Variants in UGT1A10 observed in about 807,000 individuals in gnomAD.
The protein encoded by UGT1A10 is UDP-glucuronosyltransferase 1A10.
UGT1A10 carries 49 observed loss-of-function variants against 45.8 expected under a neutral mutation model. The observed-to-expected ratio is 1.07, with a 90% confidence interval of 0.85 to 1.36. The LOEUF is 1.36. Ranked by LOEUF, UGT1A10 falls within the 40% of genes most tolerant of loss-of-function variation. The probability of loss-of-function intolerance (pLI) is 0.00; values close to 1 mark genes in which losing one functional copy is unlikely to be tolerated. For missense variants in UGT1A10, 745 were observed against 668.6 expected (o/e 1.11, Z -1.26); for synonymous variants, 284 against 249.7 (o/e 1.14, Z -1.29).
chr2:233,682,587 A>T (rs2074585557), intron 1 of UGT1A10: 1 of 1,613,766 alleles, frequency 6.2e-7, no homozygotes. Context: ...TTGGAGGAAC[A>T]TTTATTTTGC....
intron 1 of UGT1A10, chr2:233,713,604 A>G (rs1179770710): frequency 6.2e-7 from 1 of 1,613,926 alleles, no homozygotes; most frequent in South Asian, 1.1e-5. Flanking sequence ...TTCAGACCAC[A>G]TGACATTCCT....
rs533353525 is a variant in UGT1A10 at position 233,716,906 on chromosome 2, C to T, written c.856-50128C>T. ...GCCCAGACCCCTCCTCATCTCCAGA[C>T]CCTGGAAGCTGATGCCTTGGGCAGC... On this transcript the variant is annotated intron_variant, in intron 1 of 4. Transcript: ENST00000344644. 3.3e-5 allele frequency among the ~76,000 whole-genome samples: 5 copies of T among 152,262 alleles called. No individual in the cohort carries two copies. The South Asian group carries it at 8.3e-4, about 25-fold the overall frequency.
intron 1 of UGT1A10, among the ~76,000 whole-genome samples, chr2:233,714,816 G>C: frequency 6.6e-6 from 1 of 152,208 alleles, no homozygotes; most frequent in Non-Finnish European, 1.5e-5. Context: ...TATGTAGTTA[G>C]TGACAACAAT....
chr2:233,678,481 T>G (rs2074418291), intron 1 of UGT1A10, among the ~76,000 whole-genome samples: 1 of 152,174 alleles, frequency 6.6e-6, no homozygotes, highest in Admixed American at 6.5e-5. Flanking sequence ...GCAGGTGCAC[T>G]TGGTGTAACC....
chr2:233,739,654 C>T (rs1048629610), intron 1 of UGT1A10, among the ~76,000 whole-genome samples: 2 of 152,192 alleles, frequency 1.3e-5, no homozygotes, highest in South Asian at 4.1e-4. Flanking sequence ...AATTTCTGTA[C>T]CCCCATTGTG....
chr2:233,765,844 C>G (rs997504549), intron 1 of UGT1A10, among the ~76,000 whole-genome samples: 1 of 152,044 alleles, frequency 6.6e-6, no homozygotes, highest in African/African-American at 2.4e-5. Flanking sequence ...TTCCTTGTCC[C>G]CCTCACAGAG....
chr2:233,636,465 G>C lies in UGT1A10; in HGVS notation c.-58G>C. 6.4e-7 allele frequency: 1 copy of C among 1,556,516 alleles called. No individual in the cohort carries two copies. The highest frequency in any genetic ancestry group is 8.7e-7 in the Non-Finnish European group (1 of 1,150,550). ...CAGGTTTTGTGCCTGTACTTCTTCC[G>C]CCTACTGTATCATAGCAGCTTAGAA... On this transcript the variant is annotated 5_prime_UTR_variant, in exon 1 of 5. Transcript: ENST00000344644.
intron 1 of UGT1A10, among the ~76,000 whole-genome samples, chr2:233,699,947 A>G (rs1002246261): frequency 6.6e-6 from 1 of 152,188 alleles, no homozygotes; most frequent in African/African-American, 2.4e-5. Flanking sequence ...AAGTTGTACA[A>G]TGTGTGAAAA....
chr2:233,766,731 T>C (rs1699235503), intron 1 of UGT1A10, among the ~76,000 whole-genome samples: 1 of 152,174 alleles, frequency 6.6e-6, no homozygotes, highest in African/African-American at 2.4e-5. Flanking sequence ...TATCACTGTG[T>C]GTATGTACAG....
At chr2:233,713,971 G>C (rs1303952104) in intron 1 of UGT1A10, 1 of 1,600,252 alleles carries the variant, frequency 6.2e-7, no homozygotes, top group Non-Finnish European at 8.5e-7. Flanking sequence ...TTTCATTTCT[G>C]CTTCTCATTG....
intron 1 of UGT1A10, among the ~76,000 whole-genome samples, chr2:233,654,263 A>G (rs2073805092): frequency 6.6e-6 from 1 of 152,230 alleles, no homozygotes; most frequent in Non-Finnish European, 1.5e-5. Flanking sequence ...TTTAGCTGTT[A>G]GAGAGTTTAG....
At chr2:233,760,155 CT>C (rs1697330158) in intron 1 of UGT1A10, 26 of 1,487,798 alleles carry the variant, frequency 1.7e-5, no homozygotes, top group Non-Finnish European at 2.3e-5. Flanking sequence ...GAACTCCCTG[CT>C]ACCTTTGTGG....
chr2:233,644,703 C>T (rs1279513375), intron 1 of UGT1A10, among the ~76,000 whole-genome samples: 1 of 152,154 alleles, frequency 6.6e-6, no homozygotes, highest in Non-Finnish European at 1.5e-5. Flanking sequence ...CACCAGGGCT[C>T]AGGGATTCTC....
intron 1 of UGT1A10, among the ~76,000 whole-genome samples, chr2:233,759,718 G>C (rs914055324): frequency 2.0e-5 from 3 of 151,782 alleles, no homozygotes; most frequent in African/African-American, 7.3e-5. Context: ...TCGTGTGGTG[G>C]GCTCTGCTGC....
chr2:233,729,876 T>A, intron 1 of UGT1A10: 1 of 1,597,258 alleles, frequency 6.3e-7, no homozygotes, highest in South Asian at 1.1e-5. Context: ...ATATTCTCAG[T>A]CATGCATCTG....
intron 1 of UGT1A10, chr2:233,747,461 A>G (rs1413279224): frequency 3.7e-5 from 60 of 1,608,752 alleles, no homozygotes; most frequent in Admixed American, 5.0e-5. Flanking sequence ...ATGCCATTTC[A>G]TGGACCCAGG....
chr2:233,672,783 G>T (rs1355332240), intron 1 of UGT1A10: 20 of 1,613,272 alleles, frequency 1.2e-5, no homozygotes, highest in Non-Finnish European at 1.6e-5. Context: ...GAAAGCCGTT[G>T]CCTATGGTAA....
intron 1 of UGT1A10, among the ~76,000 whole-genome samples, chr2:233,752,870 C>T (rs896364354): frequency 6.6e-6 from 1 of 152,212 alleles, no homozygotes; most frequent in Non-Finnish European, 1.5e-5. Flanking sequence ...TGTTAGCTTT[C>T]AACTGTTAAA....
At chr2:233,702,617 T>C (rs1345703688) in intron 1 of UGT1A10, among the ~76,000 whole-genome samples, 1 of 152,142 alleles carries the variant, frequency 6.6e-6, no homozygotes, top group African/African-American at 2.4e-5. Flanking sequence ...CCCCCCACAT[T>C]ATGAGATTGA....
Sources: allele counts gnomAD v4.1 joint callset (sites outside exome capture counted in the v4.1 genomes callset), GRCh38; gene constraint gnomAD v4.1.1; transcripts MANE v1.5; gene names NCBI Gene and HGNC (gene_info 2026-07-23, HGNC 2026-07-21).